Variants in SPEG observed in about 807,000 individuals in gnomAD.
The protein encoded by SPEG is striated muscle preferentially expressed protein kinase.
In SPEG, 114 loss-of-function variants were observed where a neutral mutation model predicts 300.4. That is an observed-to-expected ratio of 0.38 (90% CI 0.33 to 0.44). SPEG has a LOEUF of 0.44. Among genes scored for constraint, SPEG ranks in the 20% least tolerant of loss-of-function variants. The probability of loss-of-function intolerance (pLI) is 1.00; values close to 1 mark genes in which losing one functional copy is unlikely to be tolerated. For synonymous variants in SPEG, 1,964 were observed against 2,018.9 expected (o/e 0.97, Z 0.73); for missense variants, 4,201 against 4,586.2 (o/e 0.92, Z 2.43).
Position 219,451,116 on chromosome 2 carries a change from G to C in SPEG, c.2114-20G>C. 6.3e-7 allele frequency: 1 copy of C among 1,598,516 alleles called. No homozygotes were observed. The highest frequency in any genetic ancestry group is 1.7e-4 in the Middle Eastern group (1 of 5,966). On this transcript the variant is annotated intron_variant, in intron 4 of 40. Transcript: ENST00000312358. The surrounding 1 kb of genome is among the most constrained non-coding windows in gnomAD (Gnocchi z 6.4). ...TGCAGGGATCATGGCCCCTTACCCC[G>C]TTATTCCTGTGTCCGGCAGAGTCTT...
intron 9 of SPEG, chr2:219,466,090 C>A: frequency 6.3e-7 from 1 of 1,597,176 alleles, no homozygotes; most frequent in East Asian, 2.2e-5. Context: ...TGTGCTCCCC[C>A]CGCTACCCTC....
In SPEG at chr2:219,438,835, G is replaced by A. The variant is rs905771527; in HGVS notation, c.388+3470G>A. 2.0e-5 allele frequency among the ~76,000 whole-genome samples: 3 copies of A among 152,356 alleles called. No individual in the cohort carries two copies. The South Asian group carries it at 6.2e-4, about 32-fold the overall frequency. Reference sequence around the variant, plus strand: ...TGGGGACTCAAAGGCTTGGAGAGGAGAGCTTAGAGATAGGGAGAGAGGGCC... The same window carrying A: ...TGGGGACTCAAAGGCTTGGAGAGGAAAGCTTAGAGATAGGGAGAGAGGGCC... On this transcript the variant is annotated intron_variant, in intron 1 of 40. Coordinates refer to ENST00000312358, the MANE Select transcript of SPEG (RefSeq NM_005876.5).
In SPEG at chr2:219,445,252, C is replaced by T; in HGVS notation, c.815+91C>T. On this transcript the variant is annotated intron_variant, in intron 3 of 40. Coordinates refer to ENST00000312358, the MANE Select transcript of SPEG (RefSeq NM_005876.5). The surrounding 1 kb of genome is among the most constrained non-coding windows in gnomAD (Gnocchi z 6.1). The stretch of plus-strand genomic sequence containing the variant: ...CTGCTCAGTCAGCCTCCACCCATCA[C>T]CCTGCCCCATCCATCTCTCTGTGCA... 7 of 1,199,534 alleles carry T rather than the reference C, an allele frequency of 5.8e-6. No homozygotes were observed. Among genetic ancestry groups the T allele is most frequent in the Non-Finnish European group, 6.0e-6 (5 of 832,158 alleles). The allele number at this position is 1,199,534 out of a possible 1,614,324, so 74.3% of individuals were successfully genotyped here.
chr2:219,449,655 C>T (rs1689595064), intron 4 of SPEG, among the ~76,000 whole-genome samples: 1 of 152,138 alleles, frequency 6.6e-6, no homozygotes, highest in Non-Finnish European at 1.5e-5. Context: ...CCCCTCCATA[C>T]CCCCAATCCC....
Position 219,444,634 on chromosome 2 carries a change from CAG to C in SPEG, c.389-17_389-16del. 6.2e-7 allele frequency: 1 copy of C among 1,610,758 alleles called. No homozygotes were observed. Among genetic ancestry groups the C allele is most frequent in the Non-Finnish European group, 8.5e-7 (1 of 1,177,026 alleles). ...CAGAGGGAGGAGGGCCCTGCCCACA[CAG>C]ACCCCTTCTTCTCCAGACTCAGAGA... On this transcript the variant is annotated splice_polypyrimidine_tract_variant and intron_variant, in intron 1 of 40. Transcript: ENST00000312358. The surrounding 1 kb of genome is among the most constrained non-coding windows in gnomAD (Gnocchi z 7.8).
Position 219,448,603 on chromosome 2 carries a change from G to T in SPEG, c.1445G>T (p.Arg482Leu). The change falls in exon 4 of 41, where the codon CGT (arginine) becomes CTT (leucine). Residue 482 changes from arginine to leucine, a missense_variant. Physicochemically the swap from Arg to Leu is moderately radical, Grantham distance 102. Transcript: ENST00000312358. ...QKAASLDERT[R>L]QRSPASDLEL... ...GCGGCCTCGCTGGACGAGCGCACGC[G>T]TCAGCGCAGCCCGGCCTCAGACCTC... 6.8e-7 allele frequency: 1 copy of T among 1,471,998 alleles called. No individual in the cohort carries two copies. Among genetic ancestry groups the T allele is most frequent in the Non-Finnish European group, 8.9e-7 (1 of 1,119,670 alleles). The allele number at this position is 1,471,998 out of a possible 1,614,324, so 91.2% of individuals were successfully genotyped here. A position where few individuals can be genotyped will look rare whatever the true frequency, so the allele number is the denominator to read the frequency against.
At position 219,477,148 on chromosome 2, in the gene SPEG, T is replaced by C; in HGVS notation, c.4561-129T>C. The C allele has an allele frequency of 2.0e-6, 2 of 1,009,048 alleles. No individual in the cohort carries two copies. The highest frequency in any genetic ancestry group is 2.7e-5 in the Admixed American group (1 of 36,566). The allele number at this position is 1,009,048 out of a possible 1,614,324, so 62.5% of individuals were successfully genotyped here. ...TAGCTGAGGGGTGCAGGGCTTTCTG[T>C]GGGAGATAAGGGAGGAGCTGACTCT... On this transcript the variant is annotated intron_variant, in intron 19 of 40. Coordinates refer to ENST00000312358, the MANE Select transcript of SPEG (RefSeq NM_005876.5). This position sits in a 1 kb window ranked among gnomAD's most constrained non-coding sequence, Gnocchi z 6.4.
chr2:219,442,370 G>C (rs893984691), intron 1 of SPEG, among the ~76,000 whole-genome samples: 4 of 151,706 alleles, frequency 2.6e-5, no homozygotes, highest in Non-Finnish European at 5.9e-5. Context: ...GTTCGGCGTG[G>C]AGCGCCCACT....
chr2:219,463,604 G>C (rs116385797), intron 8 of SPEG, among the ~76,000 whole-genome samples: 11 of 151,058 alleles, frequency 7.3e-5, no homozygotes, highest in Admixed American at 2.6e-4. Flanking sequence ...GTAGAGGCAG[G>C]GTTTCTGGTC....
At chr2:219,466,297 C>G (rs1171501426) in intron 9 of SPEG, 1 of 1,420,370 alleles carries the variant, frequency 7.0e-7, no homozygotes, top group Non-Finnish European at 9.1e-7. Flanking sequence ...GCCAGGAGGC[C>G]CACAGATGGA....
intron 1 of SPEG, among the ~76,000 whole-genome samples, chr2:219,442,234 C>T (rs1011161481): frequency 6.6e-6 from 1 of 151,472 alleles, no homozygotes; most frequent in South Asian, 2.1e-4. Flanking sequence ...GCGGGCCGGG[C>T]GCGATCTAGG....
At chr2:219,467,574 C>A in intron 10 of SPEG, 140 bp downstream of exon 10, 1 of 955,694 alleles carries the variant, frequency 1.0e-6, no homozygotes, top group Non-Finnish European at 1.5e-6. Flanking sequence ...TAGTACATTG[C>A]CTTGGCCTCA....
intron 36 of SPEG, 115 bp from the exon 37 acceptor site, chr2:219,490,294 T>G: frequency 7.1e-7 from 1 of 1,417,360 alleles, no homozygotes; most frequent in East Asian, 2.3e-5. Context: ...GAGCCCACAC[T>G]GGAACCACTG....
rs559377646 is a variant in SPEG at position 219,493,422 on chromosome 2, C to G, written c.*636C>G. 2.5e-6 allele frequency: 1 copy of G among 395,018 alleles called. No individual in the cohort carries two copies. Among genetic ancestry groups the G allele is most frequent in the African/African-American group, 2.1e-5 (1 of 48,472 alleles). 24.5% of individuals were successfully genotyped at this position (395,018 alleles called of 1,614,324 possible). A position where few individuals can be genotyped will look rare whatever the true frequency, so the allele number is the denominator to read the frequency against. ...GCTCTGTCCTCCTGTCCAGTGGATACAGCCCTGGGCGCTCTGCTGGCCCAA... is the reference window on the plus strand; with the variant it reads ...GCTCTGTCCTCCTGTCCAGTGGATAGAGCCCTGGGCGCTCTGCTGGCCCAA... On this transcript the variant is annotated 3_prime_UTR_variant, in exon 41 of 41. Coordinates refer to ENST00000312358, the MANE Select transcript of SPEG (RefSeq NM_005876.5).
intron 6 of SPEG, among the ~76,000 whole-genome samples, chr2:219,457,553 C>T (rs1418556441): frequency 1.3e-5 from 2 of 152,234 alleles, no homozygotes; most frequent in Non-Finnish European, 2.9e-5. Context: ...CAGTGCTTTC[C>T]AGCCTGGATG....
At chr2:219,468,799 A>G (rs1402655250) in intron 11 of SPEG, 60 bp from the exon 12 acceptor site, 6 of 1,608,268 alleles carry the variant, frequency 3.7e-6, no homozygotes, top group Non-Finnish European at 5.1e-6. Flanking sequence ...GATGGGGTGC[A>G]CCCAGAGGGC....
At chr2:219,486,565 A>T (rs996346547) in intron 31 of SPEG, among the ~76,000 whole-genome samples, 3 of 152,130 alleles carry the variant, frequency 2.0e-5, no homozygotes, top group Non-Finnish European at 2.9e-5. Context: ...GCCAGCAGAG[A>T]GGCCTGGGGA....
Position 219,445,182 on chromosome 2 carries a change from G to A in SPEG, c.815+21G>A, listed in dbSNP as rs1174091578. On this transcript the variant is annotated intron_variant, in intron 3 of 40. Transcript: ENST00000312358. This position sits in a 1 kb window ranked among gnomAD's most constrained non-coding sequence, Gnocchi z 6.1. ...CACGTGTAAGTAACGGCCTTACCTG[G>A]GCCTGAACTGCCCCATCTCACCACG... 1.3e-6 allele frequency: 2 copies of A among 1,550,650 alleles called. No homozygotes were observed. Among genetic ancestry groups the A allele is most frequent in the East Asian group, 2.4e-5 (1 of 41,068 alleles).
chr2:219,474,053 C>G, intron 18 of SPEG, 150 bp downstream of exon 18: 1 of 718,130 alleles, frequency 1.4e-6, no homozygotes, highest in Non-Finnish European at 2.2e-6. Context: ...ATACAAATAC[C>G]ATATTAGTAA....
Sources: allele counts gnomAD v4.1 joint callset (sites outside exome capture counted in the v4.1 genomes callset), GRCh38; gene constraint gnomAD v4.1.1; non-coding constraint Gnocchi (gnomAD v3.1); transcripts MANE v1.5; gene names NCBI Gene and HGNC (gene_info 2026-07-23, HGNC 2026-07-21).